Variants in TMEM135 observed in about 807,000 individuals in gnomAD.
TMEM135 encodes peroxisomal membrane protein 52.
A neutral mutation model predicts 60.3 loss-of-function variants in TMEM135; 30 were observed. The observed-to-expected ratio is 0.50, with a 90% CI of 0.37 to 0.68. The LOEUF (loss-of-function observed/expected upper bound fraction) is 0.68, where lower values mean the gene tolerates loss of function less well. Among genes scored for constraint, TMEM135 ranks in the 30% least tolerant of loss-of-function variants. The probability of loss-of-function intolerance (pLI) is 0.00; values close to 1 mark genes in which losing one functional copy is unlikely to be tolerated. For missense variants in TMEM135, 468 were observed against 548.8 expected (o/e 0.85, Z 1.47); for synonymous variants, 190 against 186.7 (o/e 1.02, Z -0.14).
intron 5 of TMEM135, among the ~76,000 whole-genome samples, chr11:87,219,734 G>A (rs555613818): frequency 6.6e-6 from 1 of 152,248 alleles, no homozygotes; most frequent in South Asian, 2.1e-4. Flanking sequence ...TATAACATGA[G>A]GTAACTGACC....
At chr11:87,229,002 C>G (rs1421206222) in intron 5 of TMEM135, among the ~76,000 whole-genome samples, 1 of 152,028 alleles carries the variant, frequency 6.6e-6, no homozygotes, top group Non-Finnish European at 1.5e-5. Flanking sequence ...TTTGTAAGAC[C>G]TATAACAGGA....
chr11:87,067,017 T>C (rs1856677357), intron 1 of TMEM135, among the ~76,000 whole-genome samples: 1 of 151,182 alleles, frequency 6.6e-6, no homozygotes, highest in Admixed American at 6.6e-5. Context: ...CCAGACCTTG[T>C]GATCTGCCCA....
intron 2 of TMEM135, among the ~76,000 whole-genome samples, chr11:87,069,292 A>G (rs1856729678): frequency 6.6e-6 from 1 of 150,986 alleles, no homozygotes; most frequent in Non-Finnish European, 1.5e-5. Context: ...CTCAAAAAAA[A>G]AAAAAAAAAA....
At chr11:87,190,256 C>A (rs1029114728) in intron 5 of TMEM135, among the ~76,000 whole-genome samples, 1 of 152,128 alleles carries the variant, frequency 6.6e-6, no homozygotes, top group Non-Finnish European at 1.5e-5. Flanking sequence ...CTGACTACTT[C>A]CACTTTATTT....
intron 4 of TMEM135, among the ~76,000 whole-genome samples, chr11:87,143,191 G>T (rs1440100765): frequency 1.3e-5 from 2 of 151,788 alleles, no homozygotes; most frequent in African/African-American, 4.8e-5. Flanking sequence ...TTTTTCTGTT[G>T]AAATTCCTTA....
At chr11:87,126,935 G>A (rs993100983) in intron 4 of TMEM135, among the ~76,000 whole-genome samples, 1 of 152,090 alleles carries the variant, frequency 6.6e-6, no homozygotes, top group Non-Finnish European at 1.5e-5. Context: ...GAATTAGGGG[G>A]AATGATTAAG....
intron 6 of TMEM135, among the ~76,000 whole-genome samples, chr11:87,268,187 C>CTTTTTTCTTTTCTT (rs1591154880): frequency 6.4e-5 from 6 of 93,352 alleles, no homozygotes; most frequent in African/African-American, 2.2e-4. Context: ...TCTTTTCTTT[C>CTTTTTTCTTTTCTT]TTCTTTTCTG....
At chr11:87,174,908 C>T (rs1392076594) in intron 5 of TMEM135, among the ~76,000 whole-genome samples, 3 of 152,122 alleles carry the variant, frequency 2.0e-5, no homozygotes, top group East Asian at 3.9e-4. Flanking sequence ...CCAATCCTAT[C>T]TCTAATGTGG....
At chr11:87,228,943 A>T (rs147890655) in intron 5 of TMEM135, among the ~76,000 whole-genome samples, 2 of 152,098 alleles carry the variant, frequency 1.3e-5, no homozygotes, top group African/African-American at 4.8e-5. Context: ...TTTTCGTGTA[A>T]TTCTACATGA....
At chr11:87,250,277 T>C (rs1052978517) in intron 6 of TMEM135, among the ~76,000 whole-genome samples, 1 of 152,072 alleles carries the variant, frequency 6.6e-6, no homozygotes, top group African/African-American at 2.4e-5. Flanking sequence ...TGATCTTTTG[T>C]ATTTTTGTAT....
chr11:87,283,733 C>T (rs576961765), intron 6 of TMEM135, among the ~76,000 whole-genome samples: 1 of 152,178 alleles, frequency 6.6e-6, no homozygotes, highest in South Asian at 2.1e-4. Context: ...TGGCGGGCGC[C>T]TGTAATCCCA....
intron 5 of TMEM135, among the ~76,000 whole-genome samples, chr11:87,231,695 T>C (rs1339509882): frequency 6.6e-6 from 1 of 152,136 alleles, no homozygotes; most frequent in Non-Finnish European, 1.5e-5. Context: ...AATGAGAACT[T>C]ATAAATATGT....
intron 3 of TMEM135, among the ~76,000 whole-genome samples, chr11:87,083,962 A>G (rs1435817741): frequency 6.6e-6 from 1 of 151,982 alleles, no homozygotes; most frequent in Non-Finnish European, 1.5e-5. Context: ...TTATTTTTAT[A>G]TGTATATTTC....
chr11:87,262,031 C>T (rs773213673), intron 6 of TMEM135, among the ~76,000 whole-genome samples: 11 of 152,088 alleles, frequency 7.2e-5, no homozygotes, highest in Admixed American at 2.0e-4. Context: ...AATGCATCTT[C>T]GGATTCTATC....
chr11:87,100,234 G>C (rs1013902041), intron 4 of TMEM135, among the ~76,000 whole-genome samples: 1 of 152,114 alleles, frequency 6.6e-6, no homozygotes, highest in Non-Finnish European at 1.5e-5. Context: ...CATAGATTTT[G>C]ACTATGTCTG....
At chr11:87,307,967 T>C (rs1007111258) in intron 9 of TMEM135, among the ~76,000 whole-genome samples, 43 of 152,236 alleles carry the variant, frequency 2.8e-4, no homozygotes, top group African/African-American at 1.0e-3. Flanking sequence ...TCTTCTCTTT[T>C]GGGTCTATTT....
Position 87,289,957 on chromosome 11 carries a change from G to T in TMEM135, c.510-5825G>T, listed in dbSNP as rs143952057. 2.1e-3 allele frequency among the ~76,000 whole-genome samples: 319 copies of T among 152,250 alleles called. 1 individual carries two copies. Among genetic ancestry groups the T allele is most frequent in the African/African-American group, 7.3e-3 (304 of 41,542 alleles). On this transcript the variant is annotated intron_variant, in intron 6 of 14. Coordinates refer to ENST00000305494, the MANE Select transcript of TMEM135 (RefSeq NM_022918.4). ...TCCATCCATGTTGCTGCAAATAACAGAATTTAATCCTTTTTGTGGCTGTAT... is the reference window on the plus strand; with the variant it reads ...TCCATCCATGTTGCTGCAAATAACATAATTTAATCCTTTTTGTGGCTGTAT...
At chr11:87,207,276 A>G in intron 5 of TMEM135, among the ~76,000 whole-genome samples, 1 of 152,208 alleles carries the variant, frequency 6.6e-6, no homozygotes, top group East Asian at 1.9e-4. Context: ...AACTTTCCTT[A>G]CAAAGTTTTC....
At chr11:87,215,089 C>A (rs1434897827) in intron 5 of TMEM135, among the ~76,000 whole-genome samples, 1 of 151,906 alleles carries the variant, frequency 6.6e-6, no homozygotes, top group Non-Finnish European at 1.5e-5. Flanking sequence ...CAGAAGGTGT[C>A]ACATATTTCT....
Sources: allele counts gnomAD v4.1 joint callset (sites outside exome capture counted in the v4.1 genomes callset), GRCh38; gene constraint gnomAD v4.1.1; transcripts MANE v1.5; gene names NCBI Gene and HGNC (gene_info 2026-07-23, HGNC 2026-07-21).